The following EPRS1 variants were observed in gnomAD, a reference collection of about 807,000 sequenced individuals.
The protein encoded by EPRS1 is bifunctional glutamate/proline--tRNA ligase.
Under a neutral mutation model 188.3 loss-of-function variants are expected in EPRS1, and 107 were observed. That is an observed-to-expected ratio of 0.57 (90% confidence interval 0.49 to 0.67). EPRS1 has a LOEUF of 0.67. Ranked by LOEUF, EPRS1 falls within the 30% of genes least tolerant of loss-of-function variation. The pLI, the probability that EPRS1 is intolerant of heterozygous loss-of-function variation, is 0.00. For synonymous variants in EPRS1, 596 were observed against 593.1 expected (o/e 1.00, Z -0.07); for missense variants, 1,577 against 1,802.2 (o/e 0.88, Z 2.26).
intron 30 of EPRS1, among the ~76,000 whole-genome samples, chr1:219,971,540 C>G (rs1202190643): frequency 6.6e-6 from 1 of 151,896 alleles, no homozygotes; most frequent in Non-Finnish European, 1.5e-5. Context: ...GACTTTTCAC[C>G]TTGTTTTAGG....
At chr1:219,979,009 G>A (rs975736016) in intron 27 of EPRS1, among the ~76,000 whole-genome samples, 4 of 151,352 alleles carry the variant, frequency 2.6e-5, no homozygotes, top group Non-Finnish European at 4.4e-5. Context: ...GACTATCAGT[G>A]CATGCCACCA....
chr1:219,980,975 C>T (rs1352767394), intron 24 of EPRS1, 118 bp from the exon 25 acceptor site: 1 of 634,806 alleles, frequency 1.6e-6, no homozygotes, highest in Non-Finnish European at 2.8e-6. Flanking sequence ...TCATGACTCA[C>T]TGAAACCTCT....
At chr1:220,033,996 A>G (rs180954963) in intron 3 of EPRS1, among the ~76,000 whole-genome samples, 13 of 152,068 alleles carry the variant, frequency 8.5e-5, no homozygotes, top group Non-Finnish European at 1.6e-4. Flanking sequence ...GATGGTACCT[A>G]GCCAAACAGA....
At chr1:220,021,771 T>C (rs770174996) in intron 9 of EPRS1, among the ~76,000 whole-genome samples, 3 of 152,176 alleles carry the variant, frequency 2.0e-5, no homozygotes, top group Non-Finnish European at 4.4e-5. Context: ...CATTTACCAT[T>C]CTCTTCAGAA....
At chr1:219,988,523 A>G (rs1661055401) in intron 19 of EPRS1, 67 bp downstream of exon 19, 1 of 1,065,042 alleles carries the variant, frequency 9.4e-7, no homozygotes, top group East Asian at 2.4e-5. Context: ...GGCACAAAAC[A>G]CTTGAGGCAA....
intron 30 of EPRS1, among the ~76,000 whole-genome samples, chr1:219,970,083 A>G (rs934492937): frequency 6.6e-6 from 1 of 152,168 alleles, no homozygotes; most frequent in Non-Finnish European, 1.5e-5. Flanking sequence ...CGGCCTCCCA[A>G]AGTGCTGGGA....
chr1:220,007,059 G>T, intron 14 of EPRS1, 143 bp downstream of exon 14: 1 of 588,168 alleles, frequency 1.7e-6, no homozygotes, highest in Non-Finnish European at 2.8e-6. Context: ...TTTAACTTGT[G>T]TCCAGAATTT....
chr1:219,973,152 G>T, intron 29 of EPRS1, 86 bp downstream of exon 29: 3 of 1,171,882 alleles, frequency 2.6e-6, no homozygotes, highest in South Asian at 1.5e-5. Context: ...GCTTCCAATT[G>T]GGGCAACCCC....
At chr1:219,987,118 A>T (rs761633442) in intron 20 of EPRS1, 24 bp downstream of exon 20, 6 of 1,586,934 alleles carry the variant, frequency 3.8e-6, no homozygotes. Context: ...CTTTGCTTCA[A>T]ATGAAGTTTC....
chr1:220,016,358 A>G (rs910488887), intron 12 of EPRS1, among the ~76,000 whole-genome samples: 1 of 151,024 alleles, frequency 6.6e-6, no homozygotes, highest in African/African-American at 2.4e-5. Context: ...AGAAAAAGAA[A>G]AAAGAAAAAA....
chr1:220,034,909 C>T lies in EPRS1; in HGVS notation c.231+5G>A, dbSNP rs181521242. The T allele has an allele frequency of 8.0e-3, 12,048 of 1,510,088 alleles. 74 individuals are homozygous for T. Among genetic ancestry groups the T allele is most frequent in the Middle Eastern group, 9.8e-3 (58 of 5,890 alleles). The allele number at this position is 1,510,088 out of a possible 1,614,324, so 93.5% of individuals were successfully genotyped here. A position where few individuals can be genotyped will look rare whatever the true frequency, so the allele number is the denominator to read the frequency against. On this transcript the variant is annotated splice_donor_5th_base_variant and intron_variant, in intron 3 of 31. Transcript: ENST00000366923. ...AACACACACAACAAAATGTTCATTGCTTACCTCAGTATGTTCCATCAGATT... is the reference window on the plus strand; with the variant it reads ...AACACACACAACAAAATGTTCATTGTTTACCTCAGTATGTTCCATCAGATT...
chr1:219,979,638 A>G (rs949283499), intron 26 of EPRS1, 23 bp from the exon 27 acceptor site: 1 of 1,548,130 alleles, frequency 6.5e-7, no homozygotes, highest in African/African-American at 1.4e-5. Context: ...GAGAAAAATA[A>G]GCTTCATTTT....
chr1:220,016,860 A>T (rs1465084415), intron 12 of EPRS1, among the ~76,000 whole-genome samples: 1 of 152,074 alleles, frequency 6.6e-6, no homozygotes, highest in Non-Finnish European at 1.5e-5. Context: ...CCATCACGGG[A>T]AGTCAACTAA....
rs749441921 is a variant in EPRS1 at position 219,987,335 on chromosome 1, C to T, written c.2845G>A (p.Glu949Lys). The T allele has an allele frequency of 6.2e-7, 1 of 1,613,846 alleles. No homozygotes were observed. The highest frequency in any genetic ancestry group is 8.5e-7 in the Non-Finnish European group (1 of 1,179,828). The stretch of plus-strand genomic sequence containing the variant: ...CCAGTGGCCGACACAGGCTTATACT[C>T]TACTCCTATCAAAGACTTGTACTGT... The part of the protein sequence containing the change: ...KAQYKSLIGV[E>K]YKPVSATGAE... Residue 949 changes from glutamate to lysine, a missense_variant, in exon 20 of 32, where the codon GAG (glutamate) becomes AAG (lysine). By Grantham distance (56) the Glu-to-Lys change is moderately conservative. This residue lies in a region of EPRS1 where 1,278 missense variants were observed against 1,457.4 expected (regional missense o/e 0.88). Coordinates refer to ENST00000366923, the MANE Select transcript of EPRS1 (RefSeq NM_004446.3).
At chr1:219,984,487 T>C (rs1209231034) in intron 20 of EPRS1, among the ~76,000 whole-genome samples, 1 of 152,222 alleles carries the variant, frequency 6.6e-6, no homozygotes, top group East Asian at 1.9e-4. Flanking sequence ...GGTGTGATCC[T>C]GTCTCACTGC....
intron 11 of EPRS1, 142 bp downstream of exon 11, chr1:220,018,853 A>T: frequency 2.1e-5 from 9 of 422,460 alleles, no homozygotes; most frequent in East Asian, 1.2e-4. Flanking sequence ...TTTGTTTTAA[A>T]AAAAAAAAAA....
At position 220,010,924 on chromosome 1, in the gene EPRS1, T is replaced by C. The variant is rs6702241; in HGVS notation, c.1605+22A>G. 9,451 of 1,365,562 alleles carry C rather than the reference T, an allele frequency of 6.9e-3. 426 individuals are homozygous for C. The African/African-American group carries it at 0.11, about 16-fold the overall frequency. The allele number at this position is 1,365,562 out of a possible 1,614,324, so 84.6% of individuals were successfully genotyped here. A position where few individuals can be genotyped will look rare whatever the true frequency, so the allele number is the denominator to read the frequency against. On this transcript the variant is annotated intron_variant, in intron 13 of 31. Coordinates refer to ENST00000366923, the MANE Select transcript of EPRS1 (RefSeq NM_004446.3). Reference sequence around the variant, plus strand: ...CCTTCTTTTAACAGAGAGAAACACATTGGTGAAACTGTAAGAGTGACCTTT... The same window carrying C: ...CCTTCTTTTAACAGAGAGAAACACACTGGTGAAACTGTAAGAGTGACCTTT...
chr1:220,010,149 C>T (rs1346208747), intron 13 of EPRS1, among the ~76,000 whole-genome samples: 1 of 148,836 alleles, frequency 6.7e-6, no homozygotes, highest in Non-Finnish European at 1.5e-5. Flanking sequence ...TTCACTTATA[C>T]TTTCCAAACA....
intron 8 of EPRS1, 123 bp from the exon 9 acceptor site, chr1:220,022,641 A>C: frequency 1.3e-6 from 1 of 775,204 alleles, no homozygotes; most frequent in Non-Finnish European, 2.1e-6. Context: ...TTAGTTTAAA[A>C]ACACTGTAAT....
Sources: allele counts gnomAD v4.1 joint callset (sites outside exome capture counted in the v4.1 genomes callset), GRCh38; gene constraint gnomAD v4.1.1; regional missense constraint gnomAD v4.1.1; transcripts MANE v1.5; gene names NCBI Gene and HGNC (gene_info 2026-07-23, HGNC 2026-07-21).